SPTLC2: variants seen among roughly 807,000 people sequenced by gnomAD.
SPTLC2 encodes serine palmitoyltransferase 2.
In SPTLC2, 21 loss-of-function variants were observed where a neutral mutation model predicts 62.0. The ratio of observed to expected loss-of-function variants is 0.34; its 90% CI spans 0.24 to 0.49. The LOEUF (loss-of-function observed/expected upper bound fraction) is 0.49. Ranked by LOEUF, SPTLC2 falls within the 20% of genes least tolerant of loss-of-function variation. The pLI, the probability that SPTLC2 is intolerant of heterozygous loss-of-function variation, is 0.99. For synonymous variants in SPTLC2, 261 were observed against 261.8 expected (o/e 1.00, Z 0.03); for missense variants, 511 against 713.0 (o/e 0.72, Z 3.23).
chr14:77,605,793 T>A (rs986897977), intron 1 of SPTLC2, among the ~76,000 whole-genome samples: 37 of 152,076 alleles, frequency 2.4e-4, no homozygotes, highest in Admixed American at 1.9e-3. Context: ...AAAACCAAAG[T>A]GAAATTAAGC....
rs1323907590 is a variant in SPTLC2, at chr14:77,610,701, C to T, written c.132+5747G>A. On this transcript the variant is annotated intron_variant, in intron 1 of 11. Coordinates refer to ENST00000216484, the MANE Select transcript of SPTLC2 (RefSeq NM_004863.4). ...TAGTCTGCTACAGTGGCTGTAATCC[C>T]AGCACTTTGGTAGGCTGAAGCAGGA... 2.6e-5 allele frequency among the ~76,000 whole-genome samples: 4 copies of T among 152,086 alleles called. No homozygotes were observed. The East Asian group carries it at 7.8e-4, about 29-fold the overall frequency.
intron 1 of SPTLC2, among the ~76,000 whole-genome samples, chr14:77,604,018 C>T (rs1049826650): frequency 6.6e-6 from 1 of 152,254 alleles, no homozygotes; most frequent in Non-Finnish European, 1.5e-5. Context: ...CCACCACGTG[C>T]TCCAGTCTGG....
intron 2 of SPTLC2, among the ~76,000 whole-genome samples, chr14:77,592,733 C>G (rs542171102): frequency 2.0e-5 from 3 of 152,180 alleles, no homozygotes; most frequent in African/African-American, 7.2e-5. Flanking sequence ...GTTATTTTTT[C>G]TAATCCTCTC....
At chr14:77,557,364 C>A (rs2079590101) in intron 6 of SPTLC2, 6 of 570,108 alleles carry the variant, frequency 1.1e-5, no homozygotes. Flanking sequence ...CGAAACTTGA[C>A]TAAAGGACGG....
chr14:77,605,624 G>A (rs2079901138), intron 1 of SPTLC2, among the ~76,000 whole-genome samples: 1 of 152,126 alleles, frequency 6.6e-6, no homozygotes, highest in African/African-American at 2.4e-5. Flanking sequence ...TGATAACTGG[G>A]GCTTGCCATA....
intron 2 of SPTLC2, among the ~76,000 whole-genome samples, chr14:77,588,305 G>C (rs753137887): frequency 7.9e-5 from 12 of 152,266 alleles, no homozygotes; most frequent in Non-Finnish European, 1.8e-4. Context: ...ACTGAAACAT[G>C]ACAAAGTTGT....
At chr14:77,573,189 AG>A (rs972372683) in intron 4 of SPTLC2, among the ~76,000 whole-genome samples, 2 of 152,246 alleles carry the variant, frequency 1.3e-5, no homozygotes, top group African/African-American at 2.4e-5. Flanking sequence ...GAGATGAGGT[AG>A]GGGGAGCGGG....
At chr14:77,589,937 G>A (rs995397093) in intron 2 of SPTLC2, among the ~76,000 whole-genome samples, 11 of 148,382 alleles carry the variant, frequency 7.4e-5, no homozygotes, top group African/African-American at 2.8e-4. Context: ...GAGATCATGC[G>A]ATTGCACTCC....
chr14:77,597,436 C>T (rs1250488237), intron 1 of SPTLC2, 56 bp from the exon 2 acceptor site: 2 of 1,528,964 alleles, frequency 1.3e-6, no homozygotes, highest in Non-Finnish European at 1.8e-6. Flanking sequence ...ACATTCCTAC[C>T]TAAAATCTAG....
At chr14:77,526,810 T>A in intron 9 of SPTLC2, among the ~76,000 whole-genome samples, 1 of 151,820 alleles carries the variant, frequency 6.6e-6, no homozygotes, top group East Asian at 1.9e-4. Flanking sequence ...TTTTTTTTTT[T>A]TTGAGACAGA....
At chr14:77,542,294 A>G (rs1225097268) in intron 9 of SPTLC2, among the ~76,000 whole-genome samples, 1 of 152,208 alleles carries the variant, frequency 6.6e-6, no homozygotes, top group East Asian at 1.9e-4. Flanking sequence ...CTCAAAATGA[A>G]AATAAAAGAA....
intron 5 of SPTLC2, among the ~76,000 whole-genome samples, chr14:77,563,982 T>C (rs1448541041): frequency 6.6e-6 from 1 of 151,506 alleles, no homozygotes; most frequent in Non-Finnish European, 1.5e-5. Flanking sequence ...CCAGGCATGG[T>C]GGCTCATGCC....
chr14:77,529,620 C>CTTTCTTTTTT lies in SPTLC2; in HGVS notation c.1304-8040_1304-8039insAAAAAAGAAA, dbSNP rs1555373703. Among the ~76,000 whole-genome samples, 102 of 76,058 alleles carry CTTTCTTTTTT rather than the reference C, an allele frequency of 1.3e-3. 9 individuals are homozygous for CTTTCTTTTTT. The highest frequency in any genetic ancestry group is 2.0e-3 in the Non-Finnish European group (73 of 36,820). 49.9% of individuals were successfully genotyped at this position (76,058 alleles called of 152,430 possible). A position where few individuals can be genotyped will look rare whatever the true frequency, so the allele number is the denominator to read the frequency against. On this transcript the variant is annotated intron_variant, in intron 9 of 11. Coordinates refer to ENST00000216484, the MANE Select transcript of SPTLC2 (RefSeq NM_004863.4). ...TTCTAGGAAAGCAATTTCTTTCTTT[C>CTTTCTTTTTT]TTTTTTTTTTTTTTTTTTTTTTGAG...
intron 5 of SPTLC2, among the ~76,000 whole-genome samples, chr14:77,566,577 T>C (rs1346438355): frequency 6.6e-6 from 1 of 152,096 alleles, no homozygotes; most frequent in East Asian, 1.9e-4. Flanking sequence ...GCCATTCTCC[T>C]GCCTCAGCCT....
At chr14:77,515,723 G>A (rs1335851504) in intron 11 of SPTLC2, among the ~76,000 whole-genome samples, 3 of 151,846 alleles carry the variant, frequency 2.0e-5, no homozygotes, top group Non-Finnish European at 4.4e-5. Context: ...CTAATTTTTT[G>A]TATTTTCAGT....
At chr14:77,616,387 C>A (rs936387870) in intron 1 of SPTLC2, 61 bp downstream of exon 1, 4 of 1,100,662 alleles carry the variant, frequency 3.6e-6, no homozygotes, top group Middle Eastern at 3.3e-4. Flanking sequence ...CTCGCCCCGC[C>A]CGGCCGCCCC....
rs202107856 is a variant in SPTLC2, at chr14:77,513,566, T to C, written c.1570-1163A>G. Among the ~76,000 whole-genome samples, 171 of 152,288 alleles carry C rather than the reference T, an allele frequency of 1.1e-3. 1 individual carries two copies. The highest frequency in any genetic ancestry group is 8.1e-3 in the East Asian group (42 of 5,164). ...AGAACCCATCGACCATTTATTCACC[T>C]GACCTCTGTGACAAGATGTAATAAT... On this transcript the variant is annotated intron_variant, in intron 11 of 11. Transcript: ENST00000216484.
intron 1 of SPTLC2, among the ~76,000 whole-genome samples, chr14:77,615,156 C>T (rs2079959606): frequency 6.6e-6 from 1 of 152,192 alleles, no homozygotes; most frequent in African/African-American, 2.4e-5. Flanking sequence ...AATGAGCTGA[C>T]TGTTATCACT....
intron 2 of SPTLC2, among the ~76,000 whole-genome samples, chr14:77,594,395 C>T (rs576176218): frequency 6.6e-6 from 1 of 152,278 alleles, no homozygotes; most frequent in East Asian, 1.9e-4. Flanking sequence ...AATTCAGATA[C>T]ATCTTGTTGG....
Sources: allele counts gnomAD v4.1 joint callset (sites outside exome capture counted in the v4.1 genomes callset), GRCh38; gene constraint gnomAD v4.1.1; transcripts MANE v1.5; gene names NCBI Gene and HGNC (gene_info 2026-07-23, HGNC 2026-07-21).